Variants in CCDC57 observed in about 807,000 individuals in gnomAD.
CCDC57 encodes coiled-coil domain containing 57.
Under a neutral mutation model 118.9 loss-of-function variants are expected in CCDC57, and 118 were observed. The ratio of observed to expected loss-of-function variants is 0.99; its 90% CI spans 0.86 to 1.16. The LOEUF (loss-of-function observed/expected upper bound fraction) is 1.16, where lower values mean the gene tolerates loss of function less well. Ranked by LOEUF, CCDC57 falls within the 50% of genes most tolerant of loss-of-function variation. CCDC57 has a pLI of 0.00. For missense variants in CCDC57, 1,300 were observed against 1,320.7 expected, an observed-to-expected ratio of 0.98 and a Z score of 0.24; for synonymous variants, 527 against 532.9, an observed-to-expected ratio of 0.99 and a Z score of 0.15.
At chr17:82,127,834 C>G (rs1332637194) in exon 19 of CCDC57, 1 of 1,610,756 alleles carries the variant, frequency 6.2e-7, no homozygotes, top group Admixed American at 1.7e-5. Context: ...GCTGGGGAGC[C>G]TGGGGTGGCT....
chr17:82,143,359 CA>C (rs2040272530), intron 16 of CCDC57, among the ~76,000 whole-genome samples: 1 of 151,976 alleles, frequency 6.6e-6, no homozygotes, highest in Non-Finnish European at 1.5e-5. Context: ...AACACAAGAA[CA>C]AAAAGAGAAA....
chr17:82,158,236 C>A (rs1294935023), intron 14 of CCDC57, among the ~76,000 whole-genome samples: 1 of 152,208 alleles, frequency 6.6e-6, no homozygotes, highest in African/African-American at 2.4e-5. Flanking sequence ...GCCTCGAAAC[C>A]CCTTCCTGAG....
At chr17:82,116,139 A>G (rs1425851512) in intron 19 of CCDC57, among the ~76,000 whole-genome samples, 1 of 148,860 alleles carries the variant, frequency 6.7e-6, no homozygotes, top group Non-Finnish European at 1.5e-5. Context: ...ACATCTCAAA[A>G]TCTGTGGAGA....
intron 8 of CCDC57, among the ~76,000 whole-genome samples, chr17:82,187,362 GA>G (rs985832884): frequency 7.4e-5 from 11 of 148,620 alleles, no homozygotes; most frequent in African/African-American, 2.0e-4. Flanking sequence ...CAGAGAAAAG[GA>G]AAAAATTCTG....
At chr17:82,204,069 G>T (rs2049303986) in intron 2 of CCDC57, among the ~76,000 whole-genome samples, 1 of 152,126 alleles carries the variant, frequency 6.6e-6, no homozygotes, top group Admixed American at 6.5e-5. Context: ...ACACCCGCTG[G>T]GGGCACGAGG....
intron 19 of CCDC57, among the ~76,000 whole-genome samples, chr17:82,106,098 G>A (rs2034827450): frequency 6.6e-6 from 1 of 152,268 alleles, no homozygotes; most frequent in Non-Finnish European, 1.5e-5. Context: ...CTGCTGCTGA[G>A]CCTGCCCAGG....
chr17:82,172,974 C>T lies in CCDC57; in HGVS notation c.1507-114G>A, dbSNP rs2044955765. ...CTCTCGGGCCGGTCCCCCGCTTCAG[C>T]TTGGGCTGTGGTCCCTCCCCATCCC... On this transcript the variant is annotated intron_variant, in intron 11 of 19. Transcript: ENST00000665763. The surrounding 1 kb of genome is among the most constrained non-coding windows in gnomAD (Gnocchi z 5.2). The T allele has an allele frequency of 5.4e-6, 5 of 920,630 alleles. No homozygotes were observed. In the South Asian group the frequency reaches 7.1e-5, roughly 13 times the overall value. 57.0% of individuals were successfully genotyped at this position (920,630 alleles called of 1,614,324 possible). A position where few individuals can be genotyped will look rare whatever the true frequency, so the allele number is the denominator to read the frequency against.
At chr17:82,198,910 G>A (rs576345980) in intron 3 of CCDC57, among the ~76,000 whole-genome samples, 1 of 149,816 alleles carries the variant, frequency 6.7e-6, no homozygotes, top group East Asian at 2.0e-4. Context: ...GGAGAATGGC[G>A]TGAACCCGGG....
intron 16 of CCDC57, among the ~76,000 whole-genome samples, chr17:82,143,045 T>C (rs1019909534): frequency 1.3e-5 from 2 of 151,902 alleles, no homozygotes; most frequent in Non-Finnish European, 2.9e-5. Flanking sequence ...ATGCCTGTAG[T>C]CTCAGCTACT....
intron 11 of CCDC57, among the ~76,000 whole-genome samples, chr17:82,174,919 G>A (rs149606815): frequency 6.6e-5 from 10 of 152,260 alleles, no homozygotes; most frequent in South Asian, 2.1e-4. Context: ...AGCGTTAGCC[G>A]TCTCTTTGGC....
At chr17:82,107,468 C>T in intron 19 of CCDC57, 1 of 470,392 alleles carries the variant, frequency 2.1e-6, no homozygotes, top group Non-Finnish European at 4.4e-6. Flanking sequence ...CTGCACGGCA[C>T]ACGGGGCGAG....
intron 19 of CCDC57, chr17:82,106,132 G>A (rs2034829172): frequency 6.6e-6 from 1 of 152,380 alleles, no homozygotes. Flanking sequence ...GCCTGTCAGT[G>A]TTGCCCAATG....
At chr17:82,128,921 TG>T (rs2037890648) in intron 17 of CCDC57, among the ~76,000 whole-genome samples, 1 of 151,606 alleles carries the variant, frequency 6.6e-6, no homozygotes, top group Non-Finnish European at 1.5e-5. Context: ...CCTGCTTTTT[TG>T]TTTTTTTTTT....
chr17:82,130,499 CTTTTTTTTTT>C (rs35413191), intron 17 of CCDC57, among the ~76,000 whole-genome samples: 1 of 88,946 alleles, frequency 1.1e-5, no homozygotes, highest in African/African-American at 4.5e-5. Context: ...CCAGACAAAA[CTTTTTTTTTT>C]TTTTTTTTTT....
intron 19 of CCDC57, among the ~76,000 whole-genome samples, chr17:82,115,792 C>CTTTTTT (rs35213711): frequency 6.1e-5 from 4 of 65,682 alleles, no homozygotes; most frequent in Non-Finnish European, 8.5e-5. Context: ...TTTATGCAAC[C>CTTTTTT]TTTTTTTTTT....
rs375997983 is a variant in CCDC57 at position 82,124,521 on chromosome 17, G to A, written c.2899+3171C>T. 5.3e-5 allele frequency among the ~76,000 whole-genome samples: 8 copies of A among 152,250 alleles called. No individual in the cohort carries two copies. The East Asian group carries it at 5.8e-4, about 11-fold the overall frequency. ...CTGTTCTAAAGATGAGGCCAGGCAC[G>A]GTGGCTCATGCCCGTAATCCCAGCA... On this transcript the variant is annotated intron_variant, in intron 19 of 19. Coordinates refer to ENST00000665763, the Ensembl canonical transcript of CCDC57.
intron 19 of CCDC57, chr17:82,126,936 G>A (rs561767476): frequency 9.1e-6 from 9 of 985,354 alleles, no homozygotes; most frequent in Non-Finnish European, 9.6e-6. Flanking sequence ...CAGGAAGGAC[G>A]CACGCTCCCG....
intron 7 of CCDC57, among the ~76,000 whole-genome samples, chr17:82,190,691 GTC>G (rs2047560999): frequency 8.6e-6 from 1 of 116,928 alleles, no homozygotes; most frequent in African/African-American, 3.4e-5. Flanking sequence ...GCGAGACTCT[GTC>G]TCAAAAAAAA....
chr17:82,112,949 A>G (rs2035390911), intron 19 of CCDC57: 1 of 175,126 alleles, frequency 5.7e-6, no homozygotes, highest in South Asian at 1.5e-4. Context: ...CCTTGTAACT[A>G]CGGCCTGGCC....
Sources: gnomAD v4.1 joint callset for allele counts (sites outside exome capture counted in the v4.1 genomes callset) on GRCh38, gnomAD v4.1.1 for gene constraint, Gnocchi (gnomAD v3.1) non-coding constraint, MANE v1.5 for transcripts, NCBI Gene and HGNC (gene_info 2026-07-23, HGNC 2026-07-21) for gene names.